The following DSCAM variants were observed in gnomAD, a reference collection of about 807,000 sequenced individuals.
The protein encoded by DSCAM is cell adhesion molecule DSCAM.
In DSCAM, 47 loss-of-function variants were observed where a neutral mutation model predicts 217.7. That is an observed-to-expected ratio of 0.22 (90% confidence interval 0.17 to 0.28). DSCAM has a LOEUF of 0.28. Among genes scored for constraint, DSCAM ranks in the 10% least tolerant of loss-of-function variants. DSCAM has a pLI of 1.00. For missense variants in DSCAM, 2,080 were observed against 2,618.3 expected, an observed-to-expected ratio of 0.79 and a Z score of 4.49; for synonymous variants, 1,056 against 1,015.3, an observed-to-expected ratio of 1.04 and a Z score of -0.76.
intron 3 of DSCAM, among the ~76,000 whole-genome samples, chr21:40,656,978 G>A (rs1366457725): frequency 6.6e-6 from 1 of 152,182 alleles, no homozygotes; most frequent in African/African-American, 2.4e-5. Flanking sequence ...ATGCAAGTAT[G>A]GGACTTGAAC....
intron 1 of DSCAM, among the ~76,000 whole-genome samples, chr21:40,755,298 T>C (rs1171697966): frequency 6.6e-6 from 1 of 151,854 alleles, no homozygotes; most frequent in Non-Finnish European, 1.5e-5. Flanking sequence ...ATACAAAAAT[T>C]AGCTGGGCGT....
intron 20 of DSCAM, among the ~76,000 whole-genome samples, chr21:40,121,697 TTTTTTTTTTTG>T (rs2090036065): frequency 8.0e-6 from 1 of 125,444 alleles, no homozygotes; most frequent in African/African-American, 3.1e-5. Flanking sequence ...TTTTTTTTTT[TTTTTTTTTTTG>T]AGACAGAGTC....
At chr21:40,119,812 G>A (rs2837432) in intron 20 of DSCAM, among the ~76,000 whole-genome samples, 21,783 of 151,890 alleles carry the variant, frequency 0.14, 1,946 homozygotes, top group African/African-American at 0.25. Context: ...TCCGTGTTCC[G>A]TGTGAGAGAG....
intron 28 of DSCAM, among the ~76,000 whole-genome samples, chr21:40,056,863 A>G (rs1387345947): frequency 6.6e-6 from 1 of 152,182 alleles, no homozygotes; most frequent in Non-Finnish European, 1.5e-5. Context: ...GGAATACTCA[A>G]TGCTACATTT....
chr21:40,273,334 T>C (rs1325934731), intron 11 of DSCAM, among the ~76,000 whole-genome samples: 1 of 152,218 alleles, frequency 6.6e-6, no homozygotes, highest in Non-Finnish European at 1.5e-5. Context: ...AAGAGGTGCA[T>C]TTAACTTATT....
At chr21:40,620,238 GAGAGAGAA>G (rs1319419832) in intron 3 of DSCAM, among the ~76,000 whole-genome samples, 8 of 83,926 alleles carry the variant, frequency 9.5e-5, no homozygotes, top group East Asian at 8.3e-4. Context: ...AAGAAAGAAA[GAGAGAGAA>G]AGAGAGAGAA....
chr21:40,046,036 T>C (rs188564666), intron 30 of DSCAM, among the ~76,000 whole-genome samples: 151 of 152,302 alleles, frequency 9.9e-4, no homozygotes, highest in African/African-American at 3.5e-3. Flanking sequence ...AACCCAAACC[T>C]TCTGCCTTTT....
At chr21:40,338,478 T>C in intron 7 of DSCAM, 102 bp from the exon 8 acceptor site, 3 of 1,215,738 alleles carry the variant, frequency 2.5e-6, no homozygotes, top group Non-Finnish European at 3.4e-6. Context: ...ATTATATTCA[T>C]GTAAGCACAT....
intron 32 of DSCAM, among the ~76,000 whole-genome samples, chr21:40,018,032 G>GACGAAAT (rs3988431): frequency 6.6e-6 from 1 of 151,792 alleles, no homozygotes; most frequent in Non-Finnish European, 1.5e-5. Flanking sequence ...GTTCCTGAAA[G>GACGAAAT]AATTTGAGTT....
In DSCAM at chr21:40,841,580, G is replaced by C. The variant is rs2092102035; in HGVS notation, c.43+5039C>G. Reference sequence around the variant, plus strand: ...GTGGGCCTGGGGGAGAGGGAAGGGGGCTCCCGGTCCCGGAGCCTTGCCTGC... The same window carrying C: ...GTGGGCCTGGGGGAGAGGGAAGGGGCCTCCCGGTCCCGGAGCCTTGCCTGC... On this transcript the variant is annotated intron_variant, in intron 1 of 32. Coordinates refer to ENST00000400454, the MANE Select transcript of DSCAM (RefSeq NM_001389.5). 1.3e-5 allele frequency among the ~76,000 whole-genome samples: 2 copies of C among 152,136 alleles called. 1 individual carries two copies. Among genetic ancestry groups the C allele is most frequent in the South Asian group, 4.1e-4 (2 of 4,820 alleles).
intron 19 of DSCAM, among the ~76,000 whole-genome samples, chr21:40,130,081 A>T (rs1245284028): frequency 6.6e-6 from 1 of 152,148 alleles, no homozygotes; most frequent in Non-Finnish European, 1.5e-5. Flanking sequence ...AAATATTTGA[A>T]CTTAACTATC....
intron 3 of DSCAM, among the ~76,000 whole-genome samples, chr21:40,615,823 C>T (rs917859935): frequency 2.0e-5 from 3 of 151,866 alleles, no homozygotes; most frequent in Non-Finnish European, 4.4e-5. Context: ...CCTGGGTCTT[C>T]GGCTCTATTA....
intron 19 of DSCAM, among the ~76,000 whole-genome samples, chr21:40,125,971 C>T (rs1479380874): frequency 6.6e-6 from 1 of 152,154 alleles, no homozygotes; most frequent in Admixed American, 6.6e-5. Flanking sequence ...CTTTAGGAGG[C>T]CAAGTAGTTT....
chr21:40,576,436 C>T (rs2076851078), intron 3 of DSCAM, among the ~76,000 whole-genome samples: 2 of 152,150 alleles, frequency 1.3e-5, no homozygotes, highest in African/African-American at 4.8e-5. Context: ...GCAAGGGAAT[C>T]TTCTTTGGGG....
At chr21:40,200,918 T>C (rs1415201966) in intron 11 of DSCAM, among the ~76,000 whole-genome samples, 2 of 152,240 alleles carry the variant, frequency 1.3e-5, no homozygotes, top group African/African-American at 4.8e-5. Context: ...ATACTTATTG[T>C]TCATAAGATT....
At chr21:40,390,730 C>T (rs1049370142) in intron 3 of DSCAM, among the ~76,000 whole-genome samples, 3 of 152,098 alleles carry the variant, frequency 2.0e-5, no homozygotes, top group Admixed American at 2.0e-4. Flanking sequence ...GCCATGTTCT[C>T]TCTGTGTTTA....
At chr21:40,328,019 T>C (rs1025715735) in intron 8 of DSCAM, among the ~76,000 whole-genome samples, 6 of 152,040 alleles carry the variant, frequency 3.9e-5, no homozygotes, top group African/African-American at 7.2e-5. Flanking sequence ...GAAACATAAC[T>C]TGTGTTCATG....
intron 3 of DSCAM, among the ~76,000 whole-genome samples, chr21:40,398,975 C>T (rs2075208022): frequency 6.6e-6 from 1 of 152,138 alleles, no homozygotes; most frequent in South Asian, 2.1e-4. Flanking sequence ...ATGATTCAGC[C>T]AAATTGGGGT....
At chr21:40,774,358 C>A (rs975026507) in intron 1 of DSCAM, among the ~76,000 whole-genome samples, 1 of 152,312 alleles carries the variant, frequency 6.6e-6, no homozygotes, top group South Asian at 2.1e-4. Flanking sequence ...GGTGAAGCTC[C>A]GTGGGTTGTA....
Sources: allele counts gnomAD v4.1 joint callset (sites outside exome capture counted in the v4.1 genomes callset), GRCh38; gene constraint gnomAD v4.1.1; transcripts MANE v1.5; gene names NCBI Gene and HGNC (gene_info 2026-07-23, HGNC 2026-07-21).